Variants in OR4N5 observed in about 807,000 individuals in gnomAD.
OR4N5 encodes the protein olfactory receptor 4N5.
For synonymous variants in OR4N5, 155 were observed against 140.6 expected, an observed-to-expected ratio of 1.10 and a Z score of -0.72; for missense variants, 428 against 370.0, an observed-to-expected ratio of 1.16 and a Z score of -1.29.
intron 2 of OR4N5, 80 bp from the exon 3 acceptor site, chr14:20,143,645 G>T: frequency 1.0e-6 from 1 of 953,806 alleles, no homozygotes; most frequent in South Asian, 1.6e-5. Flanking sequence ...GACAAATAAT[G>T]TTCTTATCTG....
At chr14:20,140,402 G>A (rs1878593433) in intron 1 of OR4N5, among the ~76,000 whole-genome samples, 1 of 152,176 alleles carries the variant, frequency 6.6e-6, no homozygotes, top group Admixed American at 6.6e-5. Context: ...ATGAGTGTAT[G>A]AAGACAGAAT....
In OR4N5 at chr14:20,144,867, G is replaced by A; in HGVS notation, c.*205G>A. The A allele has an allele frequency of 1.9e-6, 1 of 531,236 alleles. No individual in the cohort carries two copies. The highest frequency in any genetic ancestry group is 2.6e-5 in the South Asian group (1 of 39,026). The allele number at this position is 531,236 out of a possible 1,614,324, so 32.9% of individuals were successfully genotyped here. A position where few individuals can be genotyped will look rare whatever the true frequency, so the allele number is the denominator to read the frequency against. ...ATTTATATTCAAGGGGATAAATACAGGTTATTAGATTTATTCAAGGGGATA... is the reference window on the plus strand; with the variant it reads ...ATTTATATTCAAGGGGATAAATACAAGTTATTAGATTTATTCAAGGGGATA... On this transcript the variant is annotated 3_prime_UTR_variant, in exon 3 of 3. Transcript: ENST00000641086.
chr14:20,140,934 A>G lies in OR4N5; in HGVS notation c.-289A>G, dbSNP rs1878603949. ...ACAGAGGAATGCCCATCTAATGCAT[A>G]TGTGTCCTCCATCTCTGTGACAAAT... On this transcript the variant is annotated 5_prime_UTR_variant, in exon 2 of 3. It adds an upstream start codon to the 5' untranslated region. Transcript: ENST00000641086. 1.3e-5 allele frequency: 2 copies of G among 151,884 alleles called. No individual in the cohort carries two copies. The highest frequency in any genetic ancestry group is 1.3e-4 in the Admixed American group (2 of 15,230). 9.4% of individuals were successfully genotyped at this position (151,884 alleles called of 1,614,324 possible).
intron 2 of OR4N5, among the ~76,000 whole-genome samples, chr14:20,141,527 G>T (rs1878615272): frequency 6.6e-6 from 1 of 152,102 alleles, no homozygotes. Context: ...ATGTTCTGAT[G>T]TTTCCTAATA....
chr14:20,143,651 A>C, intron 2 of OR4N5, 74 bp from the exon 3 acceptor site: 1 of 990,206 alleles, frequency 1.0e-6, no homozygotes, highest in African/African-American at 1.6e-5. Context: ...TAATGTTCTT[A>C]TCTGGAGAGG....
At position 20,143,996 on chromosome 14, in the gene OR4N5, T is replaced by C. The variant is rs776825318; in HGVS notation, c.261T>C (p.Ser87=). Residue 87 remains serine, a synonymous_variant, in exon 3 of 3, where the codon TCT becomes TCC. Coordinates refer to ENST00000641086, the MANE Select transcript of OR4N5 (RefSeq NM_001004724.2). ...CCAGGATGTTGGTGGACTTCCTCTCTGAGAAGAAGGTAATCTCCTATAGAA... is the reference window on the plus strand; with the variant it reads ...CCAGGATGTTGGTGGACTTCCTCTCCGAGAAGAAGGTAATCTCCTATAGAA... The part of the protein sequence containing the change: ...VVPRMLVDFL[S]EKKVISYRSC... 3.1e-6 allele frequency: 5 copies of C among 1,614,096 alleles called. No individual in the cohort carries two copies. The East Asian group carries it at 1.1e-4, about 36-fold the overall frequency.
intron 1 of OR4N5, among the ~76,000 whole-genome samples, chr14:20,139,338 G>A (rs1028954330): frequency 2.6e-5 from 4 of 152,046 alleles, no homozygotes; most frequent in African/African-American, 9.7e-5. Flanking sequence ...CACAAGTTTG[G>A]AAACCTCTGG....
At chr14:20,141,991 T>C (rs985440615) in intron 2 of OR4N5, among the ~76,000 whole-genome samples, 6 of 152,194 alleles carry the variant, frequency 3.9e-5, no homozygotes, top group African/African-American at 1.4e-4. Context: ...CATTTTGTTT[T>C]CATTAATAAT....
chr14:20,143,673 A>G lies in OR4N5; in HGVS notation c.-11-52A>G, dbSNP rs1878661474. 3 of 1,187,942 alleles carry G rather than the reference A, an allele frequency of 2.5e-6. No homozygotes were observed. The African/African-American group carries it at 4.6e-5, about 18-fold the overall frequency. The allele number at this position is 1,187,942 out of a possible 1,614,324, so 73.6% of individuals were successfully genotyped here. A position where few individuals can be genotyped will look rare whatever the true frequency, so the allele number is the denominator to read the frequency against. On this transcript the variant is annotated intron_variant, in intron 2 of 2. Transcript: ENST00000641086. ...CTTATCTGGAGAGGAGATAGAAAAC[A>G]GATGAAAAGGTGGTTATAACAGATA... is the stretch of plus-strand genomic sequence containing the variant.
intron 1 of OR4N5, among the ~76,000 whole-genome samples, chr14:20,140,465 T>C (rs1205061114): frequency 6.6e-6 from 1 of 151,818 alleles, no homozygotes; most frequent in African/African-American, 2.4e-5. Context: ...CAAGATAAAG[T>C]GAATGAGGAA....
chr14:20,142,862 T>C (rs1878645336), intron 2 of OR4N5, among the ~76,000 whole-genome samples: 1 of 152,252 alleles, frequency 6.6e-6, no homozygotes, highest in Non-Finnish European at 1.5e-5. Flanking sequence ...AGCTCTATTA[T>C]ATTTTAATTT....
In OR4N5 at chr14:20,144,799, T is replaced by A; in HGVS notation, c.*137T>A. 2 of 620,858 alleles carry A rather than the reference T, an allele frequency of 3.2e-6. No homozygotes were observed. Among genetic ancestry groups the A allele is most frequent in the South Asian group, 4.0e-5 (2 of 49,446 alleles). 38.5% of individuals were successfully genotyped at this position (620,858 alleles called of 1,614,324 possible). ...AGTACTTCCCATTTTCAGGCACTAT[T>A]CCAGGCATATGAATGAGACAGGTAA... is the stretch of plus-strand genomic sequence containing the variant. On this transcript the variant is annotated 3_prime_UTR_variant, in exon 3 of 3. Coordinates refer to ENST00000641086, the MANE Select transcript of OR4N5 (RefSeq NM_001004724.2).
chr14:20,141,459 G>A (rs1283461350), intron 2 of OR4N5, among the ~76,000 whole-genome samples: 1 of 152,162 alleles, frequency 6.6e-6, no homozygotes, highest in East Asian at 1.9e-4. Context: ...TGTGTTGTAA[G>A]TACTTATTCC....
rs1378652347 is a variant in OR4N5 at position 20,140,881 on chromosome 14, C to G, written c.-342C>G. 3 of 142,912 alleles carry G rather than the reference C, an allele frequency of 2.1e-5. No homozygotes were observed. The East Asian group carries it at 6.0e-4, about 29-fold the overall frequency. 8.9% of individuals were successfully genotyped at this position (142,912 alleles called of 1,614,324 possible). A position where few individuals can be genotyped will look rare whatever the true frequency, so the allele number is the denominator to read the frequency against. On this transcript the variant is annotated 5_prime_UTR_variant, in exon 2 of 3. Transcript: ENST00000641086. ...CCCCTGTGAGATCCATTGTTTGGTG[C>G]TTTTTTTTTTTCGGGAACTCATTTT...
intron 1 of OR4N5, among the ~76,000 whole-genome samples, chr14:20,139,976 G>C (rs571483618): frequency 1.3e-5 from 2 of 152,212 alleles, no homozygotes; most frequent in South Asian, 4.2e-4. Context: ...TAATTAATGA[G>C]TGATTCAGAC....
At chr14:20,141,541 G>A (rs929908776) in intron 2 of OR4N5, among the ~76,000 whole-genome samples, 7 of 152,144 alleles carry the variant, frequency 4.6e-5, no homozygotes, top group South Asian at 2.1e-4. Flanking sequence ...CCTAATAGTC[G>A]TGCTGTAAAA....
intron 1 of OR4N5, among the ~76,000 whole-genome samples, chr14:20,139,993 A>C (rs976790550): frequency 3.3e-5 from 5 of 152,216 alleles, no homozygotes; most frequent in Non-Finnish European, 7.3e-5. Flanking sequence ...AGACTCAGTA[A>C]ATTTCAAAGA....
rs1238546506 is a variant in OR4N5 at position 20,145,452 on chromosome 14, ATG to A, written c.*792_*793del. The A allele has an allele frequency of 6.6e-6, 1 of 152,080 alleles. No individual in the cohort carries two copies. Among genetic ancestry groups the A allele is most frequent in the African/African-American group, 2.4e-5 (1 of 41,396 alleles). 9.4% of individuals were successfully genotyped at this position (152,080 alleles called of 1,614,324 possible). A position where few individuals can be genotyped will look rare whatever the true frequency, so the allele number is the denominator to read the frequency against. On this transcript the variant is annotated 3_prime_UTR_variant, in exon 3 of 3. Transcript: ENST00000641086. Reference sequence around the variant, plus strand: ...GCGTGCTGCTAAGTATTTTTTATTTATGTCAACACTTAAAAGGTCTAGTTACT... The same window carrying A: ...GCGTGCTGCTAAGTATTTTTTATTTATCAACACTTAAAAGGTCTAGTTACT...
Position 20,144,636 on chromosome 14 carries a change from T to G in OR4N5, c.901T>G (p.Leu301Val). ...NQEVKASMRKLLSQHMFC is the reference protein window; with the variant it reads ...NQEVKASMRKVLSQHMFC ...GGAGGTGAAAGCTTCCATGAGGAAG[T>G]TGTTAAGTCAACATATGTTTTGCTG... Residue 301 changes from leucine to valine, a missense_variant, in exon 3 of 3, where the codon TTG becomes GTG. Coordinates refer to ENST00000641086, the MANE Select transcript of OR4N5 (RefSeq NM_001004724.2). The G allele has an allele frequency of 1.9e-6, 3 of 1,611,278 alleles. No homozygotes were observed. Among genetic ancestry groups the G allele is most frequent in the Non-Finnish European group, 2.5e-6 (3 of 1,179,022 alleles).
Sources: gnomAD v4.1 joint callset for allele counts (sites outside exome capture counted in the v4.1 genomes callset) on GRCh38, gnomAD v4.1.1 for gene constraint, MANE v1.5 for transcripts, NCBI Gene and HGNC (gene_info 2026-07-23, HGNC 2026-07-21) for gene names.